Variants in ZFAND4 observed in about 807,000 individuals in gnomAD.
The protein encoded by ZFAND4 is AN1-type zinc finger protein 4.
A neutral mutation model predicts 64.4 loss-of-function variants in ZFAND4; 43 were observed. The observed-to-expected ratio is 0.67, with a 90% CI of 0.52 to 0.86. ZFAND4 has a LOEUF of 0.86. Among genes scored for constraint, ZFAND4 ranks in the 40% least tolerant of loss-of-function variants. The pLI, the probability that ZFAND4 is intolerant of heterozygous loss-of-function variation, is 0.00. For synonymous variants in ZFAND4, 296 were observed against 305.7 expected (o/e 0.97, Z 0.33); for missense variants, 929 against 859.8 (o/e 1.08, Z -1.01).
intron 8 of ZFAND4, 105 bp downstream of exon 8, chr10:45,624,478 C>T: frequency 1.0e-6 from 1 of 976,618 alleles, no homozygotes. Flanking sequence ...TTACTCTGTA[C>T]ATGCCACAGA....
At chr10:45,617,406 T>C (rs563655462) in intron 9 of ZFAND4, among the ~76,000 whole-genome samples, 146 of 151,990 alleles carry the variant, frequency 9.6e-4, no homozygotes, top group Non-Finnish European at 1.8e-3. Context: ...GGTGAGAAGA[T>C]CACTTGAGGC....
intron 6 of ZFAND4, among the ~76,000 whole-genome samples, chr10:45,630,523 C>T (rs1564570651): frequency 1.3e-5 from 2 of 151,896 alleles, no homozygotes; most frequent in African/African-American, 2.4e-5. Context: ...GTCAGGAGAT[C>T]GAGACCATCC....
At chr10:45,648,770 G>T (rs1223418314) in intron 4 of ZFAND4, among the ~76,000 whole-genome samples, 1 of 151,994 alleles carries the variant, frequency 6.6e-6, no homozygotes, top group Non-Finnish European at 1.5e-5. Flanking sequence ...CAAAGACAGG[G>T]CTAAACTAAA....
intron 4 of ZFAND4, 133 bp downstream of exon 4, chr10:45,651,833 C>T: frequency 1.3e-6 from 1 of 787,388 alleles, no homozygotes; most frequent in Non-Finnish European, 2.1e-6. Flanking sequence ...AGAACAATGC[C>T]TAGAGAATCA....
At chr10:45,636,328 A>C (rs1158689530) in intron 6 of ZFAND4, among the ~76,000 whole-genome samples, 1 of 152,114 alleles carries the variant, frequency 6.6e-6, no homozygotes, top group African/African-American at 2.4e-5. Context: ...TATTATTTGG[A>C]ATCTTTTATA....
intron 6 of ZFAND4, among the ~76,000 whole-genome samples, chr10:45,638,543 T>C (rs1163821812): frequency 6.6e-6 from 1 of 152,088 alleles, no homozygotes; most frequent in East Asian, 1.9e-4. Flanking sequence ...CAAAATTGTC[T>C]GGCATAATAC....
At chr10:45,639,748 G>C in intron 6 of ZFAND4, 68 bp downstream of exon 6, 1 of 1,491,898 alleles carries the variant, frequency 6.7e-7, no homozygotes. Flanking sequence ...ATGACCAACA[G>C]ACCTCATTGC....
intron 5 of ZFAND4, among the ~76,000 whole-genome samples, chr10:45,643,062 AG>A (rs1356585253): frequency 1.3e-5 from 2 of 151,548 alleles, no homozygotes; most frequent in African/African-American, 2.4e-5. Flanking sequence ...CTGGGATTAC[AG>A]GCATGCACCA....
chr10:45,663,439 T>C (rs2048607022), intron 2 of ZFAND4, 103 bp downstream of exon 2: 1 of 848,196 alleles, frequency 1.2e-6, no homozygotes, highest in Non-Finnish European at 1.8e-6. Flanking sequence ...TCTAACATCA[T>C]ATATGTTTGA....
intron 3 of ZFAND4, 26 bp from the exon 4 acceptor site, chr10:45,652,059 A>G: frequency 6.2e-7 from 1 of 1,609,766 alleles, no homozygotes; most frequent in Non-Finnish European, 8.5e-7. Flanking sequence ...ACAAAAATAA[A>G]TCATAATCAT....
In ZFAND4 at chr10:45,663,622, A is replaced by G; in HGVS notation, c.104T>C (p.Leu35Ser). Residue 35 changes from leucine (L) to serine (S), a missense_variant, in exon 2 of 10, where the codon TTA (leucine) becomes TCA (serine). Physicochemically the swap from Leu to Ser is moderately radical, Grantham distance 145. Coordinates refer to ENST00000344646, the MANE Select transcript of ZFAND4 (RefSeq NM_174890.4). ...TCTCAGCTCAAAACATGTTCCAGTT[A>G]ATGTTTCAATGAAGAGCTCCATGGT... The part of the protein sequence containing the change: ...CDTMELFIET[L>S]TGTCFELRVS... The G allele has an allele frequency of 6.2e-7, 1 of 1,611,436 alleles. No homozygotes were observed. The highest frequency in any genetic ancestry group is 8.5e-7 in the Non-Finnish European group (1 of 1,179,232).
At chr10:45,649,461 A>G (rs1470450000) in intron 4 of ZFAND4, among the ~76,000 whole-genome samples, 4 of 152,234 alleles carry the variant, frequency 2.6e-5, no homozygotes, top group African/African-American at 9.6e-5. Context: ...CAAGCTGCAT[A>G]ACTTTCACTT....
rs2045132187 is a variant in ZFAND4, at chr10:45,618,066, AT to A, written c.2048+73del. On this transcript the variant is annotated intron_variant, in intron 9 of 9. Transcript: ENST00000344646. Reference sequence around the variant, plus strand: ...GATGTTATAAACAGGCAATTTAAATATTTTATTTTGCATAATCCCCAAGCTG... The same window carrying A: ...GATGTTATAAACAGGCAATTTAAATATTTATTTTGCATAATCCCCAAGCTG... 3 of 1,488,292 alleles carry A rather than the reference AT, an allele frequency of 2.0e-6. No individual in the cohort carries two copies. The South Asian group carries it at 3.9e-5, about 19-fold the overall frequency. 92.2% of individuals were successfully genotyped at this position (1,488,292 alleles called of 1,614,324 possible). A position where few individuals can be genotyped will look rare whatever the true frequency, so the allele number is the denominator to read the frequency against.
chr10:45,640,063 A>G, intron 5 of ZFAND4, 100 bp from the exon 6 acceptor site: 1 of 1,371,766 alleles, frequency 7.3e-7, no homozygotes, highest in Admixed American at 2.5e-5. Flanking sequence ...TACTAATGAT[A>G]AAACACTACA....
chr10:45,626,575 T>G lies in ZFAND4; in HGVS notation c.1248A>C (p.Leu416Phe). The G allele has an allele frequency of 6.2e-7, 1 of 1,614,184 alleles. No individual in the cohort carries two copies. Among genetic ancestry groups the G allele is most frequent in the Non-Finnish European group, 8.5e-7 (1 of 1,180,044 alleles). Residue 416 changes from leucine to phenylalanine, a missense_variant, in exon 7 of 10, where the codon TTA becomes TTC. Physicochemically the swap from Leu to Phe is conservative, Grantham distance 22. Transcript: ENST00000344646. ...CCAGATTCACTTTGCACGCACCTTCTAAGCCGCTGCTCTGTTCATCAGCAT... is the reference window on the plus strand; with the variant it reads ...CCAGATTCACTTTGCACGCACCTTCGAAGCCGCTGCTCTGTTCATCAGCAT... ...EGNADEQSSGLEGACKVNLEL... is the reference protein window; with the variant it reads ...EGNADEQSSGFEGACKVNLEL...
intron 4 of ZFAND4, among the ~76,000 whole-genome samples, chr10:45,648,802 T>C (rs2047565415): frequency 6.6e-6 from 1 of 151,696 alleles, no homozygotes; most frequent in Non-Finnish European, 1.5e-5. Flanking sequence ...TTTTGTCCTA[T>C]GCCATTATAG....
intron 6 of ZFAND4, among the ~76,000 whole-genome samples, chr10:45,627,414 A>G (rs1164834852): frequency 6.6e-6 from 1 of 152,090 alleles, no homozygotes; most frequent in East Asian, 1.9e-4. Flanking sequence ...GACCTATTTT[A>G]GATCTCCAAC....
At chr10:45,635,905 T>A (rs1308226049) in intron 6 of ZFAND4, among the ~76,000 whole-genome samples, 2 of 152,142 alleles carry the variant, frequency 1.3e-5, no homozygotes, top group Non-Finnish European at 2.9e-5. Context: ...AAATAAAATT[T>A]AAAAAATTTT....
intron 1 of ZFAND4, among the ~76,000 whole-genome samples, chr10:45,668,444 A>T (rs1418070203): frequency 6.6e-6 from 1 of 152,226 alleles, no homozygotes; most frequent in Non-Finnish European, 1.5e-5. Flanking sequence ...AATGGTAAAG[A>T]CCATTGATGC....
Sources: gnomAD v4.1 joint callset for allele counts (sites outside exome capture counted in the v4.1 genomes callset) on GRCh38, gnomAD v4.1.1 for gene constraint, MANE v1.5 for transcripts, NCBI Gene and HGNC (gene_info 2026-07-23, HGNC 2026-07-21) for gene names.